ITFG1: variants seen among roughly 807,000 people sequenced by gnomAD.
The protein encoded by ITFG1 is T-cell immunomodulatory protein.
In ITFG1, 34 loss-of-function variants were observed where a neutral mutation model predicts 81.8. The observed-to-expected ratio is 0.42, with a 90% CI of 0.32 to 0.55. The LOEUF is 0.55. ITFG1 is among the 20% of genes least tolerant of loss of function. ITFG1 has a pLI of 0.17. For synonymous variants in ITFG1, 285 were observed against 270.6 expected, an observed-to-expected ratio of 1.05 and a Z score of -0.52; for missense variants, 672 against 755.4, an observed-to-expected ratio of 0.89 and a Z score of 1.29.
chr16:47,168,561 T>C (rs1351954795), intron 14 of ITFG1, among the ~76,000 whole-genome samples: 38 of 149,466 alleles, frequency 2.5e-4, no homozygotes, highest in Non-Finnish European at 7.4e-5. Flanking sequence ...TTTTTTTTTT[T>C]TTTTTTTCTA....
chr16:47,238,234 T>C (rs1416393059), intron 12 of ITFG1: 3 of 363,584 alleles, frequency 8.3e-6, no homozygotes, highest in African/African-American at 6.4e-5. Context: ...TTGTGAACTA[T>C]ATAGGTGAGA....
chr16:47,283,430 C>G (rs1406500927), intron 10 of ITFG1, among the ~76,000 whole-genome samples: 1 of 152,142 alleles, frequency 6.6e-6, no homozygotes, highest in African/African-American at 2.4e-5. Flanking sequence ...CATTCTGTCC[C>G]ATTGATCTGT....
At chr16:47,333,437 T>G (rs1419090753) in intron 8 of ITFG1, among the ~76,000 whole-genome samples, 1 of 152,198 alleles carries the variant, frequency 6.6e-6, no homozygotes, top group Non-Finnish European at 1.5e-5. Context: ...CTGAAAAATA[T>G]GGTTTTTCTC....
At chr16:47,312,342 G>A (rs945272242) in intron 9 of ITFG1, 1 of 152,040 alleles carries the variant, frequency 6.6e-6, no homozygotes, top group Non-Finnish European at 1.5e-5. Flanking sequence ...TTCCTTCTAA[G>A]CAGGTGACTC....
intron 12 of ITFG1, among the ~76,000 whole-genome samples, chr16:47,250,615 A>G (rs1270614731): frequency 6.6e-6 from 1 of 152,228 alleles, no homozygotes; most frequent in African/African-American, 2.4e-5. Context: ...CCAGGTCAGT[A>G]TGTTTGAAAT....
Position 47,407,361 on chromosome 16 carries a change from TTA to T in ITFG1, c.655+21441_655+21442del, listed in dbSNP as rs796491411. Among the ~76,000 whole-genome samples, 131 of 152,220 alleles carry T rather than the reference TTA, an allele frequency of 8.6e-4. 1 individual carries two copies. The highest frequency in any genetic ancestry group is 3.0e-3 in the African/African-American group (124 of 41,532). On this transcript the variant is annotated intron_variant, in intron 6 of 17. Transcript: ENST00000320640. ...GCAGCAAGGATGACTCCAATGTTTT[TTA>T]TGTTTTGAGACAGAGTCTTCCTCTG...
intron 10 of ITFG1, among the ~76,000 whole-genome samples, chr16:47,277,664 C>T (rs1966412026): frequency 6.6e-6 from 1 of 152,192 alleles, no homozygotes; most frequent in Non-Finnish European, 1.5e-5. Context: ...ATAGTAAGAA[C>T]TATTCACGTT....
chr16:47,288,728 G>A (rs971552564), intron 10 of ITFG1, among the ~76,000 whole-genome samples: 12 of 151,960 alleles, frequency 7.9e-5, no homozygotes, highest in African/African-American at 1.7e-4. Context: ...GTGAAACCCC[G>A]TCTCCACCAG....
chr16:47,326,413 C>G (rs1158667754), intron 8 of ITFG1, among the ~76,000 whole-genome samples: 1 of 152,146 alleles, frequency 6.6e-6, no homozygotes, highest in Non-Finnish European at 1.5e-5. Context: ...AAAACTGGCA[C>G]AAGACAGGGA....
Position 47,416,931 on chromosome 16 carries a change from G to T in ITFG1, c.655+11873C>A, listed in dbSNP as rs562294265. 6.6e-5 allele frequency among the ~76,000 whole-genome samples: 10 copies of T among 152,324 alleles called. No homozygotes were observed. In the East Asian group the frequency reaches 1.9e-3, roughly 29 times the overall value. Reference sequence around the variant, plus strand: ...ATTGGCCAAATTCTTAGCTAAATTTGTAGGACATGACAGTCCCAAGATAGC... The same window carrying T: ...ATTGGCCAAATTCTTAGCTAAATTTTTAGGACATGACAGTCCCAAGATAGC... On this transcript the variant is annotated intron_variant, in intron 6 of 17. Coordinates refer to ENST00000320640, the MANE Select transcript of ITFG1 (RefSeq NM_030790.5).
intron 14 of ITFG1, among the ~76,000 whole-genome samples, chr16:47,188,058 G>A (rs113985386): frequency 0.07 from 10,604 of 150,786 alleles, 590 homozygotes; most frequent in African/African-American, 0.16. Flanking sequence ...CAAAACCACA[G>A]TGAGATACCA....
At chr16:47,273,790 GTTTA>G (rs138805545) in intron 10 of ITFG1, among the ~76,000 whole-genome samples, 2,511 of 151,678 alleles carry the variant, frequency 0.017, 38 homozygotes, top group African/African-American at 0.029. Context: ...TAGTTTGTTT[GTTTA>G]TTTATTTATT....
chr16:47,311,189 A>G, intron 10 of ITFG1, 51 bp downstream of exon 10: 1 of 1,391,180 alleles, frequency 7.2e-7, no homozygotes, highest in Non-Finnish European at 9.9e-7. Flanking sequence ...TGGTTTGCAA[A>G]TATTTCTCAC....
intron 8 of ITFG1, among the ~76,000 whole-genome samples, chr16:47,330,704 C>T (rs1488841603): frequency 6.6e-6 from 1 of 151,986 alleles, no homozygotes; most frequent in Non-Finnish European, 1.5e-5. Context: ...ATACGAGCAG[C>T]CGACAAACAT....
At chr16:47,201,062 T>C (rs1014862654) in intron 14 of ITFG1, among the ~76,000 whole-genome samples, 1 of 152,184 alleles carries the variant, frequency 6.6e-6, no homozygotes, top group African/African-American at 2.4e-5. Flanking sequence ...ATAAGGAGAA[T>C]ATTTGTTCTC....
intron 14 of ITFG1, among the ~76,000 whole-genome samples, chr16:47,187,854 A>T (rs1044945414): frequency 4.6e-5 from 7 of 152,174 alleles, no homozygotes; most frequent in Admixed American, 4.6e-4. Context: ...AATCTTCGCA[A>T]CCTACTCATC....
intron 6 of ITFG1, among the ~76,000 whole-genome samples, chr16:47,411,737 C>T (rs866261222): frequency 2.0e-4 from 31 of 152,240 alleles, no homozygotes; most frequent in Middle Eastern, 6.8e-3. Context: ...GGGTGCAGTC[C>T]TAATGATTGG....
intron 5 of ITFG1, chr16:47,448,792 C>T (rs1313250144): frequency 6.6e-6 from 1 of 152,110 alleles, no homozygotes; most frequent in East Asian, 1.9e-4. Flanking sequence ...CGTCACATCA[C>T]TGCAGAAGCT....
chr16:47,317,373 C>A (rs754228408), intron 8 of ITFG1, among the ~76,000 whole-genome samples: 1 of 152,020 alleles, frequency 6.6e-6, no homozygotes, highest in Non-Finnish European at 1.5e-5. Flanking sequence ...AAGCAGAGAA[C>A]AATAAAAGAT....
Sources: allele counts gnomAD v4.1 joint callset (sites outside exome capture counted in the v4.1 genomes callset), GRCh38; gene constraint gnomAD v4.1.1; transcripts MANE v1.5; gene names NCBI Gene and HGNC (gene_info 2026-07-23, HGNC 2026-07-21).